The following DIAPH2 variants were observed in gnomAD, a reference collection of about 807,000 sequenced individuals.
DIAPH2 encodes diaphanous related formin 2.
In DIAPH2, 35 loss-of-function variants were observed where a neutral mutation model predicts 92.7. The observed-to-expected ratio is 0.38, with a 90% CI of 0.29 to 0.50. The LOEUF (loss-of-function observed/expected upper bound fraction) is 0.50. Among genes scored for constraint, DIAPH2 ranks in the 20% least tolerant of loss-of-function variants. The pLI is 0.94. For missense variants in DIAPH2, 701 were observed against 819.5 expected (o/e 0.86, Z 1.77); for synonymous variants, 301 against 280.4 (o/e 1.07, Z -0.73).
At chrX:97,490,493 T>A (rs2070718330) in intron 26 of DIAPH2, among the ~76,000 whole-genome samples, 1 of 110,586 alleles carries the variant, frequency 9.0e-6, no homozygotes, top group African/African-American at 3.3e-5. Flanking sequence ...AGGTATAACA[T>A]TAGATTGTTT....
intron 21 of DIAPH2, among the ~76,000 whole-genome samples, chrX:97,134,056 C>G (rs2067155283): frequency 1.8e-5 from 2 of 112,008 alleles, no homozygotes; most frequent in Non-Finnish European, 3.8e-5. Flanking sequence ...TAGTCCATCA[C>G]TCTGATGATA....
intron 26 of DIAPH2, among the ~76,000 whole-genome samples, chrX:97,571,241 T>C (rs1321833770): frequency 8.9e-6 from 1 of 111,798 alleles, no homozygotes. Context: ...TTTCTCATAA[T>C]ATATTCAATT....
At chrX:97,046,847 C>G (rs944321951) in intron 17 of DIAPH2, among the ~76,000 whole-genome samples, 2 of 110,768 alleles carry the variant, frequency 1.8e-5, no homozygotes, top group African/African-American at 3.3e-5. Context: ...ATAATTGGTT[C>G]AGCAGGGTTA....
At chrX:96,717,822 A>G (rs1291800148) in intron 1 of DIAPH2, among the ~76,000 whole-genome samples, 7 of 24,560 alleles carry the variant, frequency 2.9e-4, no homozygotes, top group Admixed American at 1.7e-3. Flanking sequence ...TATAGTATAT[A>G]TATATATATA....
intron 23 of DIAPH2, among the ~76,000 whole-genome samples, chrX:97,253,325 A>G (rs2068206441): frequency 8.9e-6 from 1 of 111,864 alleles, no homozygotes; most frequent in Non-Finnish European, 1.9e-5. Context: ...AAAAAAGAGG[A>G]AAAGAGTGCT....
chrX:97,449,638 A>G (rs970502311), intron 26 of DIAPH2: 46 of 745,292 alleles, frequency 6.2e-5, no homozygotes, highest in Non-Finnish European at 7.0e-5. Flanking sequence ...GCTTTTAACA[A>G]AACAATTCCT....
At chrX:97,518,980 C>G (rs1290769845) in intron 26 of DIAPH2, among the ~76,000 whole-genome samples, 1 of 111,673 alleles carries the variant, frequency 9.0e-6, no homozygotes, top group East Asian at 2.8e-4. Flanking sequence ...AATGGTTTTC[C>G]AAATCTACAT....
intron 19 of DIAPH2, among the ~76,000 whole-genome samples, chrX:97,080,478 C>T (rs1488644388): frequency 3.9e-5 from 4 of 103,411 alleles, no homozygotes; most frequent in African/African-American, 1.4e-4. Context: ...CCCCCTCCCC[C>T]GCCCCACCAA....
At chrX:97,218,784 C>T (rs1485072895) in intron 22 of DIAPH2, among the ~76,000 whole-genome samples, 3 of 111,498 alleles carry the variant, frequency 2.7e-5, no homozygotes, top group Non-Finnish European at 5.7e-5. Context: ...ACTTATGATA[C>T]CTAATGCAAT....
At position 96,965,180 on chromosome X, in the gene DIAPH2, G is replaced by T; in HGVS notation, c.2023G>T (p.Ala675Ser). ...GAATCCAGATCTCTTTGCCAAATTG[G>T]CATTGAATTTTGCTACTCAGATAAA... ...FENPDLFAKLALNFATQIKVQ... is the reference protein window; with the variant it reads ...FENPDLFAKLSLNFATQIKVQ... The change falls in exon 17 of 27, where the codon GCA becomes TCA. Residue 675 changes from alanine (A) to serine (S), a missense_variant. This residue lies in a region of DIAPH2 where 536 missense variants were observed against 599.3 expected (regional missense o/e 0.89). Transcript: ENST00000324765. 1 of 1,191,343 alleles carries T rather than the reference G, an allele frequency of 8.4e-7. No homozygotes were observed. Among genetic ancestry groups the T allele is most frequent in the African/African-American group, 1.8e-5 (1 of 57,064 alleles).
At chrX:97,297,044 T>TGGGATTACA (rs1359425757) in intron 23 of DIAPH2, among the ~76,000 whole-genome samples, 1 of 101,838 alleles carries the variant, frequency 9.8e-6, no homozygotes, top group African/African-American at 3.6e-5. Flanking sequence ...CCCAAAGTGC[T>TGGGATTACA]GGGATTACAG....
chrX:97,461,293 T>A (rs1192379058), intron 26 of DIAPH2, among the ~76,000 whole-genome samples: 2 of 111,326 alleles, frequency 1.8e-5, no homozygotes, highest in African/African-American at 3.3e-5. Context: ...TAGGCTATGT[T>A]TGACACACAC....
chrX:97,479,229 C>A (rs1421689659), intron 26 of DIAPH2, among the ~76,000 whole-genome samples: 6 of 104,544 alleles, frequency 5.7e-5, no homozygotes. Flanking sequence ...TACTTCTCTA[C>A]CATTAGTTTA....
intron 1 of DIAPH2, among the ~76,000 whole-genome samples, chrX:96,702,804 C>G (rs1228459978): frequency 9.0e-6 from 1 of 111,680 alleles, no homozygotes; most frequent in Non-Finnish European, 1.9e-5. Context: ...TTCCGAGTTG[C>G]AAACTGCTGA....
chrX:96,978,770 C>T (rs970310964), intron 17 of DIAPH2, among the ~76,000 whole-genome samples: 4 of 111,050 alleles, frequency 3.6e-5, no homozygotes, highest in African/African-American at 1.3e-4. Context: ...CAGATCTCAG[C>T]TCAGTCCTCT....
intron 26 of DIAPH2, among the ~76,000 whole-genome samples, chrX:97,584,180 G>T (rs775085620): frequency 8.9e-6 from 1 of 112,061 alleles, no homozygotes; most frequent in African/African-American, 3.2e-5. Context: ...GTTCATATTC[G>T]GCCATCTTCG....
chrX:97,121,203 A>G (rs2067055335), intron 21 of DIAPH2, among the ~76,000 whole-genome samples: 1 of 112,306 alleles, frequency 8.9e-6, no homozygotes, highest in Admixed American at 9.4e-5. Context: ...TGTATTGTTC[A>G]GCTTGGACTG....
At chrX:96,974,430 CTAGGT>C (rs1202645169) in intron 17 of DIAPH2, among the ~76,000 whole-genome samples, 1 of 111,192 alleles carries the variant, frequency 9.0e-6, no homozygotes, top group Non-Finnish European at 1.9e-5. Context: ...TATCAGTAGA[CTAGGT>C]AAGATATGAT....
chrX:97,395,225 T>A (rs1320923114), intron 25 of DIAPH2, among the ~76,000 whole-genome samples: 4 of 111,731 alleles, frequency 3.6e-5, no homozygotes, highest in African/African-American at 1.3e-4. Context: ...TTTTGATTAA[T>A]CTGACTTTAT....
Sources: allele counts gnomAD v4.1 joint callset (sites outside exome capture counted in the v4.1 genomes callset), GRCh38; gene constraint gnomAD v4.1.1; regional missense constraint gnomAD v4.1.1; transcripts MANE v1.5; gene names NCBI Gene and HGNC (gene_info 2026-07-23, HGNC 2026-07-21).